ZDHHC15: variants seen among roughly 807,000 people sequenced by gnomAD.
The protein encoded by ZDHHC15 is palmitoyltransferase ZDHHC15.
In ZDHHC15, 19 loss-of-function variants were observed where a neutral mutation model predicts 31.7. The observed-to-expected ratio is 0.60, with a 90% CI of 0.42 to 0.88. The LOEUF is 0.88. Ranked by LOEUF, ZDHHC15 falls within the 40% of genes least tolerant of loss-of-function variation. The pLI is 0.00. For missense variants in ZDHHC15, 209 were observed against 251.2 expected (o/e 0.83, Z 1.14); for synonymous variants, 103 against 90.0 (o/e 1.14, Z -0.82).
chrX:75,490,319 T>C (rs1051172424), intron 2 of ZDHHC15, among the ~76,000 whole-genome samples: 1 of 110,660 alleles, frequency 9.0e-6, no homozygotes, highest in Non-Finnish European at 1.9e-5. Context: ...TGAAGGAAAA[T>C]ATGTTAAGGG....
At chrX:75,422,121 C>T in intron 8 of ZDHHC15, 131 bp from the exon 9 acceptor site, 1 of 798,850 alleles carries the variant, frequency 1.3e-6, no homozygotes. Context: ...TGTGGTAGCA[C>T]AGACCTCTCA....
Position 75,427,015 on chromosome X carries a change from A to G in ZDHHC15, c.603+2063T>C, listed in dbSNP as rs149995057. On this transcript the variant is annotated intron_variant, in intron 7 of 11. Coordinates refer to ENST00000373367, the MANE Select transcript of ZDHHC15 (RefSeq NM_144969.3). Reference sequence around the variant, plus strand: ...GGTATGAAAGTGCTTCAAAAACTGTAAAGTACCATACAAATGAAGGTTGCT... The same window carrying G: ...GGTATGAAAGTGCTTCAAAAACTGTGAAGTACCATACAAATGAAGGTTGCT... 9.4e-3 allele frequency among the ~76,000 whole-genome samples: 1,055 copies of G among 112,117 alleles called. 13 individuals are homozygous for G. The highest frequency in any genetic ancestry group is 0.016 in the Non-Finnish European group (841 of 53,116).
chrX:75,448,742 T>C (rs978688200), intron 4 of ZDHHC15, among the ~76,000 whole-genome samples: 2 of 111,044 alleles, frequency 1.8e-5, no homozygotes, highest in Non-Finnish European at 3.8e-5. Flanking sequence ...GAGATGTGTA[T>C]GGGTGCCAAG....
chrX:75,443,649 G>A (rs1409199036), intron 4 of ZDHHC15, among the ~76,000 whole-genome samples: 1 of 111,783 alleles, frequency 8.9e-6, no homozygotes, highest in Non-Finnish European at 1.9e-5. Context: ...CTTCTGCACA[G>A]CAAAAGAAAC....
At chrX:75,427,322 G>A (rs949762757) in intron 7 of ZDHHC15, among the ~76,000 whole-genome samples, 3 of 110,810 alleles carry the variant, frequency 2.7e-5, no homozygotes, top group African/African-American at 6.5e-5. Flanking sequence ...AAGAGAACAA[G>A]GTTATGTTCA....
intron 2 of ZDHHC15, among the ~76,000 whole-genome samples, chrX:75,492,119 A>C (rs1457924072): frequency 7.2e-5 from 8 of 111,297 alleles, no homozygotes. Flanking sequence ...ACTGGAAAAC[A>C]AAAAAAGGCA....
At chrX:75,468,404 T>C (rs746647058) in intron 3 of ZDHHC15, among the ~76,000 whole-genome samples, 1 of 112,079 alleles carries the variant, frequency 8.9e-6, no homozygotes, top group Non-Finnish European at 1.9e-5. Flanking sequence ...ACATTCCTTT[T>C]CATGGCTGAA....
rs55847003 is a variant in ZDHHC15, at chrX:75,463,575, TACA to T, written c.259-12656_259-12654del. On this transcript the variant is annotated intron_variant, in intron 3 of 11. Transcript: ENST00000373367. The stretch of plus-strand genomic sequence containing the variant: ...CCAGAATCTATAAAGAACTCAAATT[TACA>T]ACAACAACAACAACAACAACAACAA... Among the ~76,000 whole-genome samples, 432 of 100,739 alleles carry T rather than the reference TACA, an allele frequency of 4.3e-3. 3 individuals carry two copies. Among genetic ancestry groups the T allele is most frequent in the African/African-American group, 0.014 (390 of 27,431 alleles). The allele number at this position is 100,739 out of a possible 115,157, so 87.5% of individuals were successfully genotyped here.
At chrX:75,442,812 C>T (rs1414375868) in intron 4 of ZDHHC15, among the ~76,000 whole-genome samples, 1 of 107,212 alleles carries the variant, frequency 9.3e-6, no homozygotes, top group South Asian at 4.2e-4. Flanking sequence ...AGGTGAAACC[C>T]CGTCTCTACT....
chrX:75,388,815 G>A (rs1374386848), intron 10 of ZDHHC15, among the ~76,000 whole-genome samples: 2 of 111,906 alleles, frequency 1.8e-5, no homozygotes, highest in Non-Finnish European at 3.8e-5. Context: ...CTGAATAGAT[G>A]CCTCCACCAA....
intron 11 of ZDHHC15, among the ~76,000 whole-genome samples, chrX:75,373,934 T>TTTTTTTTTG (rs2083029609): frequency 1.1e-5 from 1 of 89,160 alleles, no homozygotes; most frequent in African/African-American, 4.0e-5. Context: ...CTGTTTTTTT[T>TTTTTTTTTG]TTTTTTTTTT....
At chrX:75,505,720 T>G (rs1289566116) in intron 2 of ZDHHC15, 101 bp downstream of exon 2, 20 of 986,109 alleles carry the variant, frequency 2.0e-5, no homozygotes. Flanking sequence ...CCCAAGTTTA[T>G]TTCTGGGAAA....
intron 1 of ZDHHC15, among the ~76,000 whole-genome samples, chrX:75,514,122 G>A (rs2085319216): frequency 8.9e-6 from 1 of 112,887 alleles, no homozygotes; most frequent in Non-Finnish European, 1.9e-5. Flanking sequence ...ATGCCAAAGG[G>A]CATTCTTTAG....
intron 4 of ZDHHC15, 51 bp from the exon 5 acceptor site, chrX:75,431,571 A>G (rs1249545751): frequency 9.5e-7 from 1 of 1,052,707 alleles, no homozygotes; most frequent in Non-Finnish European, 1.3e-6. Context: ...TCAATATAAG[A>G]CCTTATATCT....
chrX:75,423,165 T>C (rs1016285468), intron 8 of ZDHHC15, among the ~76,000 whole-genome samples: 2 of 108,891 alleles, frequency 1.8e-5, no homozygotes, highest in African/African-American at 6.7e-5. Context: ...CACAGGCACA[T>C]GCCACCACAC....
intron 10 of ZDHHC15, chrX:75,384,719 G>A: frequency 1.2e-6 from 1 of 807,079 alleles, no homozygotes; most frequent in Non-Finnish European, 1.9e-6. Flanking sequence ...AAAGGTACCT[G>A]TGTTCAACTA....
Position 75,421,864 on chromosome X carries a change from C to A in ZDHHC15, c.863G>T (p.Ser288Ile). Residue 288 changes from serine (S) to isoleucine (I), a missense_variant and splice_region_variant, in exon 9 of 12, where the codon AGC (serine) becomes ATC (isoleucine). Physicochemically the swap from Ser to Ile is moderately radical, Grantham distance 142. Coordinates refer to ENST00000373367, the MANE Select transcript of ZDHHC15 (RefSeq NM_144969.3). ...TCTTCCAGTGGTAATATTTACTCAC[C>A]TGGAACCAATAGGTATTAACCAGAA... ...KKFWLIPIGS[S>I]PGDGHSFPMR... The A allele has an allele frequency of 8.3e-7, 1 of 1,208,595 alleles. No individual in the cohort carries two copies. Among genetic ancestry groups the A allele is most frequent in the Non-Finnish European group, 1.1e-6 (1 of 894,075 alleles).
chrX:75,495,302 G>C (rs1468829536), intron 2 of ZDHHC15, among the ~76,000 whole-genome samples: 2 of 111,707 alleles, frequency 1.8e-5, no homozygotes, highest in Non-Finnish European at 3.8e-5. Context: ...AGAGGATGTG[G>C]AGAAATAGGA....
At chrX:75,437,034 A>C (rs1009641227) in intron 4 of ZDHHC15, among the ~76,000 whole-genome samples, 4 of 110,250 alleles carry the variant, frequency 3.6e-5, no homozygotes, top group Non-Finnish European at 7.6e-5. Context: ...GGCACCCACC[A>C]CCATGCCCGG....
Sources: gnomAD v4.1 joint callset for allele counts (sites outside exome capture counted in the v4.1 genomes callset) on GRCh38, gnomAD v4.1.1 for gene constraint, MANE v1.5 for transcripts, NCBI Gene and HGNC (gene_info 2026-07-23, HGNC 2026-07-21) for gene names.